Variants in PPP1R12B observed in about 807,000 individuals in gnomAD.
PPP1R12B encodes the protein myosin phosphatase target subunit 2.
Under a neutral mutation model 126.1 loss-of-function variants are expected in PPP1R12B, and 76 were observed. The ratio of observed to expected loss-of-function variants is 0.60; its 90% CI spans 0.50 to 0.73. The LOEUF (loss-of-function observed/expected upper bound fraction) is 0.73, where lower values mean the gene tolerates loss of function less well. Ranked by LOEUF, PPP1R12B falls within the 30% of genes least tolerant of loss-of-function variation. The pLI is 0.00. For missense variants in PPP1R12B, 1,052 were observed against 1,205.1 expected (o/e 0.87, Z 1.88); for synonymous variants, 356 against 434.7 (o/e 0.82, Z 2.25).
At position 202,349,063 on chromosome 1, in the gene PPP1R12B, C is replaced by G; in HGVS notation, c.212C>G (p.Thr71Ser). The change falls in exon 1 of 24, where the codon ACC becomes AGC. Residue 71 changes from threonine (T) to serine (S), a missense_variant. By Grantham distance (58) the Thr-to-Ser change is moderately conservative (BLOSUM62 1). Coordinates refer to ENST00000608999, the MANE Select transcript of PPP1R12B (RefSeq NM_002481.4). ...CTGGCCGCCTGCTCTAGCGGGGACA[C>G]CGACGAGGTGAGAAAGCTTCTGGCA... is the stretch of plus-strand genomic sequence containing the variant. ...VFLAACSSGD[T>S]DEVRKLLARG... The G allele has an allele frequency of 6.2e-7, 1 of 1,614,080 alleles. No homozygotes were observed. Among genetic ancestry groups the G allele is most frequent in the Non-Finnish European group, 8.5e-7 (1 of 1,180,022 alleles).
intron 1 of PPP1R12B, among the ~76,000 whole-genome samples, chr1:202,377,176 G>A (rs1661304567): frequency 6.6e-6 from 1 of 152,114 alleles, no homozygotes; most frequent in African/African-American, 2.4e-5. Context: ...GAATACACTG[G>A]CTAATTAGTG....
At chr1:202,466,647 C>G (rs1439219057) in intron 13 of PPP1R12B, among the ~76,000 whole-genome samples, 1 of 152,106 alleles carries the variant, frequency 6.6e-6, no homozygotes, top group Non-Finnish European at 1.5e-5. Context: ...AGGACAGTGC[C>G]TAACTTCATG....
chr1:202,392,429 G>A (rs1664277001), intron 1 of PPP1R12B, among the ~76,000 whole-genome samples: 2 of 152,132 alleles, frequency 1.3e-5, no homozygotes, highest in Non-Finnish European at 2.9e-5. Flanking sequence ...GGAAATCTCT[G>A]GAGTGGGAAA....
chr1:202,574,583 A>G (rs557083272), intron 23 of PPP1R12B, among the ~76,000 whole-genome samples: 1 of 152,316 alleles, frequency 6.6e-6, no homozygotes, highest in Admixed American at 6.5e-5. Flanking sequence ...GGCAGCAGCT[A>G]GATTTAAGAA....
rs938349594 is a variant in PPP1R12B at position 202,470,691 on chromosome 1, C to T, written c.1851-17842C>T. ...GGACGATCACTTGCACTCAGGAGTT[C>T]AAGACAAGCCTAGGCAACATAGTGA... On this transcript the variant is annotated intron_variant, in intron 13 of 23. Coordinates refer to ENST00000608999, the MANE Select transcript of PPP1R12B (RefSeq NM_002481.4). Among the ~76,000 whole-genome samples the T allele has an allele frequency of 2.0e-5, 3 of 151,878 alleles. No individual in the cohort carries two copies. In the East Asian group the frequency reaches 5.8e-4, roughly 29 times the overall value.
chr1:202,479,586 C>G (rs1470833735), intron 13 of PPP1R12B, among the ~76,000 whole-genome samples: 1 of 152,134 alleles, frequency 6.6e-6, no homozygotes, highest in Non-Finnish European at 1.5e-5. Flanking sequence ...ATACCCCAGA[C>G]TTTGATTTAG....
intron 12 of PPP1R12B, among the ~76,000 whole-genome samples, chr1:202,444,822 G>T (rs1672041235): frequency 2.0e-5 from 3 of 152,268 alleles, no homozygotes; most frequent in Non-Finnish European, 4.4e-5. Context: ...TGACCAAAAA[G>T]ACCATCCTTC....
chr1:202,372,733 G>C (rs1444120949), intron 1 of PPP1R12B, among the ~76,000 whole-genome samples: 1 of 150,734 alleles, frequency 6.6e-6, no homozygotes, highest in African/African-American at 2.4e-5. Context: ...TGATTGTGCT[G>C]CTGCACTTCA....
intron 1 of PPP1R12B, among the ~76,000 whole-genome samples, chr1:202,381,303 G>GA (rs1055716714): frequency 3.3e-5 from 5 of 151,574 alleles, no homozygotes; most frequent in African/African-American, 9.7e-5. Flanking sequence ...AAAAGGGAAA[G>GA]AAAAAAAAGG....
chr1:202,422,687 G>A lies in PPP1R12B; in HGVS notation c.490G>A (p.Ala164Thr). ...TGAAGGTGAAGTTCCCTCTGACCTT[G>A]CAGAAGAGCCAGCCATGAAGGATCT... ...NSEGEVPSDL[A>T]EEPAMKDLLL... The change falls in exon 3 of 24, where the codon GCA becomes ACA. Residue 164 changes from alanine to threonine, a missense_variant. Physicochemically the swap from Ala to Thr is moderately conservative, Grantham distance 58 (BLOSUM62 0). Transcript: ENST00000608999. The A allele has an allele frequency of 6.2e-7, 1 of 1,613,828 alleles. No individual in the cohort carries two copies. Among genetic ancestry groups the A allele is most frequent in the Non-Finnish European group, 8.5e-7 (1 of 1,179,794 alleles).
In PPP1R12B at chr1:202,388,810, T is replaced by G. The variant is rs1663596670; in HGVS notation, c.292-27977T>G. ...TGGCAAGCTCATCCTGAATTTCATCTGAAAGAATTAATATGCAGAAATAGT... is the reference window on the plus strand; with the variant it reads ...TGGCAAGCTCATCCTGAATTTCATCGGAAAGAATTAATATGCAGAAATAGT... On this transcript the variant is annotated intron_variant, in intron 1 of 23. Coordinates refer to ENST00000608999, the MANE Select transcript of PPP1R12B (RefSeq NM_002481.4). Among the ~76,000 whole-genome samples, 3 of 152,182 alleles carry G rather than the reference T, an allele frequency of 2.0e-5. No individual in the cohort carries two copies. In the South Asian group the frequency reaches 6.2e-4, roughly 32 times the overall value.
chr1:202,403,088 A>G (rs1666083589), intron 1 of PPP1R12B, among the ~76,000 whole-genome samples: 1 of 152,204 alleles, frequency 6.6e-6, no homozygotes, highest in Non-Finnish European at 1.5e-5. Flanking sequence ...TGGGAAAATA[A>G]GAAAGTAAAG....
In PPP1R12B at chr1:202,548,808, C is replaced by CTCTATA. The variant is rs1218548068; in HGVS notation, c.2491-10068_2491-10067insCTATAT. Among the ~76,000 whole-genome samples the CTCTATA allele has an allele frequency of 1.6e-3, 119 of 72,976 alleles. 2 individuals are homozygous for CTCTATA. Among genetic ancestry groups the CTCTATA allele is most frequent in the Middle Eastern group, 7.0e-3 (1 of 142 alleles). The allele number at this position is 72,976 out of a possible 152,430, so 47.9% of individuals were successfully genotyped here. ...TCTCTCTCTCTCTCTCTCTCTCTCT[C>CTCTATA]TATATATATATATATATATATATAT... is the stretch of plus-strand genomic sequence containing the variant. On this transcript the variant is annotated intron_variant, in intron 18 of 23. Coordinates refer to ENST00000608999, the MANE Select transcript of PPP1R12B (RefSeq NM_002481.4).
intron 15 of PPP1R12B, among the ~76,000 whole-genome samples, chr1:202,494,865 G>A (rs572255877): frequency 3.9e-4 from 59 of 152,206 alleles, no homozygotes; most frequent in African/African-American, 1.4e-3. Context: ...TCTGTTCTCA[G>A]GTAATCCCTA....
chr1:202,372,783 A>T (rs549449726), intron 1 of PPP1R12B, among the ~76,000 whole-genome samples: 66 of 152,304 alleles, frequency 4.3e-4, no homozygotes, highest in African/African-American at 1.6e-3. Flanking sequence ...AAAATAAAAA[A>T]AAATAAAAAA....
intron 1 of PPP1R12B, among the ~76,000 whole-genome samples, chr1:202,391,662 G>A (rs1467509814): frequency 2.0e-5 from 1 of 49,516 alleles, no homozygotes. Context: ...CAGGTGTACT[G>A]AAGATAAATG....
chr1:202,497,690 C>T (rs549095402), intron 18 of PPP1R12B, among the ~76,000 whole-genome samples: 32 of 152,110 alleles, frequency 2.1e-4, no homozygotes, highest in African/African-American at 7.5e-4. Flanking sequence ...TAATGACTAA[C>T]GGTGACATAG....
chr1:202,449,048 C>T lies in PPP1R12B; in HGVS notation c.1727C>T (p.Ser576Phe). The T allele has an allele frequency of 1.9e-6, 3 of 1,613,884 alleles. No individual in the cohort carries two copies. The highest frequency in any genetic ancestry group is 1.7e-6 in the Non-Finnish European group (2 of 1,179,854). Residue 576 changes from serine (S) to phenylalanine (F), a missense_variant, in exon 13 of 24, where the codon TCT (serine) becomes TTT (phenylalanine). Transcript: ENST00000608999. Reference protein sequence around the residue: ...TAEKTADNVSSSTPLCVITNR... With the variant: ...TAEKTADNVSFSTPLCVITNR... Reference sequence around the variant, plus strand: ...GAGAAAACAGCAGACAATGTCTCTTCTAGCACCCCGCTCTGTGTGATCACC... The same window carrying T: ...GAGAAAACAGCAGACAATGTCTCTTTTAGCACCCCGCTCTGTGTGATCACC...
chr1:202,463,616 A>G (rs953524324), intron 13 of PPP1R12B, among the ~76,000 whole-genome samples: 10 of 152,208 alleles, frequency 6.6e-5, no homozygotes, highest in African/African-American at 2.4e-4. Flanking sequence ...GACTAGTTCA[A>G]TCAGGTATGG....
Sources: gnomAD v4.1 joint callset for allele counts (sites outside exome capture counted in the v4.1 genomes callset) on GRCh38, gnomAD v4.1.1 for gene constraint, MANE v1.5 for transcripts, NCBI Gene and HGNC (gene_info 2026-07-23, HGNC 2026-07-21) for gene names.